The following ST18 variants were observed in gnomAD, a reference collection of about 807,000 sequenced individuals.
ST18 encodes suppression of tumorigenicity 18 protein.
A neutral mutation model predicts 110.0 loss-of-function variants in ST18; 50 were observed. That is an observed-to-expected ratio of 0.45 (90% CI 0.36 to 0.58). ST18 has a LOEUF of 0.58. Among genes scored for constraint, ST18 ranks in the 20% least tolerant of loss-of-function variants. ST18 has a pLI of 0.00. For synonymous variants in ST18, 461 were observed against 452.4 expected (o/e 1.02, Z -0.24); for missense variants, 1,306 against 1,280.1 (o/e 1.02, Z -0.31).
rs778648627 is a variant in ST18, at chr8:52,126,056, A to G, written c.2751T>C (p.Thr917=). 5 of 1,614,038 alleles carry G rather than the reference A, an allele frequency of 3.1e-6. No individual in the cohort carries two copies. Among genetic ancestry groups the G allele is most frequent in the Non-Finnish European group, 4.2e-6 (5 of 1,179,964 alleles). Residue 917 remains threonine (T), a synonymous_variant, in exon 23 of 26, where the codon ACT becomes ACC. Coordinates refer to ENST00000689386, the MANE Select transcript of ST18 (RefSeq NM_001352837.2). ...CAGCCAGCCCTGTGCTCTTACCCCCAGTTGCTTTGAGCTTGATGGTCATGA... is the reference window on the plus strand; with the variant it reads ...CAGCCAGCCCTGTGCTCTTACCCCCGGTTGCTTTGAGCTTGATGGTCATGA... The part of the protein sequence containing the change: ...EELMTIKLKA[T]GGIESDEEIR...
At chr8:52,295,757 T>C (rs1319147830) in intron 2 of ST18, among the ~76,000 whole-genome samples, 1 of 147,870 alleles carries the variant, frequency 6.8e-6, no homozygotes, top group Admixed American at 6.9e-5. Flanking sequence ...TCCAACAATG[T>C]GTTAGCATAT....
intron 2 of ST18, among the ~76,000 whole-genome samples, chr8:52,301,620 C>T (rs760797586): frequency 2.4e-4 from 37 of 152,180 alleles, no homozygotes; most frequent in Non-Finnish European, 5.3e-4. Flanking sequence ...AATTGAAACA[C>T]TGGAAACATT....
rs578058782 is a variant in ST18 at position 52,270,061 on chromosome 8, G to A, written c.-464-39984C>T. On this transcript the variant is annotated intron_variant, in intron 2 of 25. Transcript: ENST00000689386. ...AGTTAGTTTCCCATCCCCGACACAT[G>A]TAATATTTTTCTAGAGAAAATTTGG... Among the ~76,000 whole-genome samples the A allele has an allele frequency of 2.0e-5, 3 of 152,264 alleles. No homozygotes were observed. In the South Asian group the frequency reaches 6.2e-4, roughly 32 times the overall value.
chr8:52,117,094 G>A (rs1283554201), intron 24 of ST18, among the ~76,000 whole-genome samples: 2 of 152,132 alleles, frequency 1.3e-5, no homozygotes, highest in Non-Finnish European at 2.9e-5. Flanking sequence ...CTTTAAAATG[G>A]CCTAAGATGC....
chr8:52,125,072 G>A (rs1419882851), intron 23 of ST18, among the ~76,000 whole-genome samples: 1 of 152,088 alleles, frequency 6.6e-6, no homozygotes, highest in Non-Finnish European at 1.5e-5. Flanking sequence ...ATCTTTGATG[G>A]AAAACAACAC....
At chr8:52,212,483 A>T (rs1226206948) in intron 7 of ST18, among the ~76,000 whole-genome samples, 1 of 152,240 alleles carries the variant, frequency 6.6e-6, no homozygotes, top group East Asian at 1.9e-4. Flanking sequence ...ATTAATATTA[A>T]ACACACATTC....
intron 8 of ST18, among the ~76,000 whole-genome samples, chr8:52,186,270 C>T (rs182688080): frequency 6.6e-5 from 10 of 152,300 alleles, no homozygotes; most frequent in African/African-American, 1.2e-4. Context: ...GCAAAGTACA[C>T]GGGCAGTCAC....
At chr8:52,342,255 G>A (rs1159349541) in intron 2 of ST18, among the ~76,000 whole-genome samples, 1 of 151,844 alleles carries the variant, frequency 6.6e-6, no homozygotes, top group Non-Finnish European at 1.5e-5. Flanking sequence ...GTTGTATTCA[G>A]AGCCAAAAAG....
At chr8:52,298,347 G>C (rs2095665367) in intron 2 of ST18, among the ~76,000 whole-genome samples, 1 of 152,182 alleles carries the variant, frequency 6.6e-6, no homozygotes, top group African/African-American at 2.4e-5. Context: ...ATATTAAGTA[G>C]CACTATAAAG....
At chr8:52,188,687 A>G (rs1207000482) in intron 8 of ST18, among the ~76,000 whole-genome samples, 2 of 152,208 alleles carry the variant, frequency 1.3e-5, no homozygotes, top group Non-Finnish European at 2.9e-5. Context: ...GGATTATGGC[A>G]ATAAACCAGA....
intron 2 of ST18, among the ~76,000 whole-genome samples, chr8:52,347,667 G>C (rs1818365865): frequency 6.6e-6 from 1 of 152,156 alleles, no homozygotes; most frequent in Admixed American, 6.6e-5. Context: ...ACTACTTACT[G>C]TATCCCAGGC....
chr8:52,340,919 A>AC (rs1457519210), intron 2 of ST18, among the ~76,000 whole-genome samples: 2 of 152,386 alleles, frequency 1.3e-5, no homozygotes, highest in South Asian at 2.1e-4. Flanking sequence ...AAAAGAACTT[A>AC]GAGTTTCTAT....
intron 2 of ST18, among the ~76,000 whole-genome samples, chr8:52,258,553 T>C (rs1445799246): frequency 2.0e-5 from 3 of 152,218 alleles, no homozygotes; most frequent in Non-Finnish European, 4.4e-5. Flanking sequence ...ATAAAATTGG[T>C]TCCCTATGTT....
At chr8:52,314,878 C>T (rs2095995322) in intron 2 of ST18, among the ~76,000 whole-genome samples, 1 of 152,192 alleles carries the variant, frequency 6.6e-6, no homozygotes, top group Non-Finnish European at 1.5e-5. Context: ...CTGACACAGC[C>T]AGCCAGCCTC....
chr8:52,113,245 C>G lies in ST18; in HGVS notation c.3097G>C (p.Ala1033Pro). The part of the protein sequence containing the change: ...LERDYSPECK[A>P]LLESIKQAVK... ...GCCTGTTTGATACTTTCCAGTAGAG[C>G]TTTGCATTCCGGGGAATAGTCCCGT... is the stretch of plus-strand genomic sequence containing the variant. Residue 1033 changes from alanine (A) to proline (P), a missense_variant, in exon 26 of 26, where the codon GCT becomes CCT. Physicochemically the swap from Ala to Pro is conservative, Grantham distance 27 (BLOSUM62 -1). Transcript: ENST00000689386. 1 of 1,614,134 alleles carries G rather than the reference C, an allele frequency of 6.2e-7. No homozygotes were observed. The highest frequency in any genetic ancestry group is 8.5e-7 in the Non-Finnish European group (1 of 1,179,980).
At chr8:52,115,150 G>T (rs1243814925) in intron 25 of ST18, among the ~76,000 whole-genome samples, 1 of 152,148 alleles carries the variant, frequency 6.6e-6, no homozygotes, top group African/African-American at 2.4e-5. Flanking sequence ...AGAACTCCAT[G>T]CTAGGAACTT....
chr8:52,192,266 C>A (rs2074768870), intron 8 of ST18, among the ~76,000 whole-genome samples: 1 of 152,184 alleles, frequency 6.6e-6, no homozygotes, highest in South Asian at 2.1e-4. Context: ...CTGGACCTTT[C>A]CACTGTAGAA....
chr8:52,169,986 A>G (rs757859684), intron 10 of ST18, among the ~76,000 whole-genome samples: 103 of 152,368 alleles, frequency 6.8e-4, no homozygotes, highest in Non-Finnish European at 1.2e-3. Context: ...CAAAAGCTCT[A>G]TAAAATTATT....
chr8:52,214,155 T>G, intron 7 of ST18, 48 bp downstream of exon 7: 1 of 1,592,848 alleles, frequency 6.3e-7, no homozygotes. Flanking sequence ...ACGCTCATAT[T>G]TCATGGTGTG....
Sources: allele counts gnomAD v4.1 joint callset (sites outside exome capture counted in the v4.1 genomes callset), GRCh38; gene constraint gnomAD v4.1.1; transcripts MANE v1.5; gene names NCBI Gene and HGNC (gene_info 2026-07-23, HGNC 2026-07-21).